The following CRACDL variants were observed in gnomAD, a reference collection of about 807,000 sequenced individuals.
The protein encoded by CRACDL is CRACD-like protein.
A neutral mutation model predicts 70.6 loss-of-function variants in CRACDL; 26 were observed. That is an observed-to-expected ratio of 0.37 (90% CI 0.27 to 0.51). The LOEUF is 0.51. Ranked by LOEUF, CRACDL falls within the 20% of genes least tolerant of loss-of-function variation. The pLI, the probability that CRACDL is intolerant of heterozygous loss-of-function variation, is 0.94. For synonymous variants in CRACDL, 618 were observed against 615.2 expected (o/e 1.00, Z -0.07); for missense variants, 1,283 against 1,376.9 (o/e 0.93, Z 1.08).
chr2:98,834,878 A>G (rs1360913302), intron 3 of CRACDL, among the ~76,000 whole-genome samples: 2 of 152,228 alleles, frequency 1.3e-5, no homozygotes, highest in Non-Finnish European at 2.9e-5. Flanking sequence ...CAACAACAAG[A>G]AAACCAAAGA....
chr2:98,853,708 A>C (rs1354733935), intron 1 of CRACDL, among the ~76,000 whole-genome samples: 1 of 152,224 alleles, frequency 6.6e-6, no homozygotes, highest in African/African-American at 2.4e-5. Flanking sequence ...CAATGTATGT[A>C]GATGTAATAT....
chr2:98,862,621 T>A (rs1706983627), intron 1 of CRACDL, among the ~76,000 whole-genome samples: 2 of 150,936 alleles, frequency 1.3e-5, no homozygotes, highest in East Asian at 1.9e-4. Flanking sequence ...ATCTGGGAGG[T>A]GAAAAGAACA....
At chr2:98,849,445 G>A (rs553765468) in intron 1 of CRACDL, among the ~76,000 whole-genome samples, 4 of 152,218 alleles carry the variant, frequency 2.6e-5, no homozygotes, top group African/African-American at 9.6e-5. Context: ...GTGTGCAGAG[G>A]GGCACCCCCT....
Position 98,919,136 on chromosome 2 carries a change from T to C in CRACDL, c.-11+16802A>G, listed in dbSNP as rs1351906340. ...GTGATAGATAGGGGTTCCAGTTTCA[T>C]TCTTCTCCATATGGCAATCCAATTT... is the stretch of plus-strand genomic sequence containing the variant. On this transcript the variant is annotated intron_variant, in intron 1 of 9. Coordinates refer to ENST00000397899, the MANE Select transcript of CRACDL (RefSeq NM_207362.3). 2.6e-5 allele frequency among the ~76,000 whole-genome samples: 4 copies of C among 152,172 alleles called. No homozygotes were observed. The East Asian group carries it at 5.8e-4, about 22-fold the overall frequency.
chr2:98,844,395 C>G (rs903797138), intron 2 of CRACDL, among the ~76,000 whole-genome samples: 1 of 152,068 alleles, frequency 6.6e-6, no homozygotes, highest in Non-Finnish European at 1.5e-5. Flanking sequence ...GATATTGATG[C>G]CTTCATGTGT....
At chr2:98,812,593 C>G (rs1040768281) in intron 7 of CRACDL, among the ~76,000 whole-genome samples, 3 of 152,088 alleles carry the variant, frequency 2.0e-5, no homozygotes, top group African/African-American at 7.2e-5. Flanking sequence ...TTGTGTTTCC[C>G]TAATGGCTAA....
At chr2:98,802,357 G>C (rs925680882) in intron 7 of CRACDL, among the ~76,000 whole-genome samples, 1 of 152,248 alleles carries the variant, frequency 6.6e-6, no homozygotes, top group Admixed American at 6.5e-5. Context: ...CACACTGCCC[G>C]AGATGAGAGC....
chr2:98,928,079 A>G (rs987909241), intron 1 of CRACDL, among the ~76,000 whole-genome samples: 4 of 152,044 alleles, frequency 2.6e-5, no homozygotes, highest in African/African-American at 9.7e-5. Flanking sequence ...CAGCTACTCG[A>G]GAGGCTGACA....
intron 1 of CRACDL, among the ~76,000 whole-genome samples, chr2:98,932,667 C>G (rs1396846534): frequency 2.0e-5 from 3 of 152,202 alleles, no homozygotes; most frequent in African/African-American, 7.2e-5. Context: ...CCAGCCCTGA[C>G]TGAAGTCTCC....
At chr2:98,854,274 T>C (rs187833421) in intron 1 of CRACDL, among the ~76,000 whole-genome samples, 6,208 of 120,438 alleles carry the variant, frequency 0.052, 268 homozygotes, top group South Asian at 0.17. Context: ...AGTGAGACTC[T>C]GTCTCAAAAA....
At chr2:98,848,708 C>G (rs1573064316) in intron 1 of CRACDL, among the ~76,000 whole-genome samples, 1 of 152,190 alleles carries the variant, frequency 6.6e-6, no homozygotes, top group African/African-American at 2.4e-5. Context: ...CTCAGCCCCC[C>G]CACAAATAGC....
intron 1 of CRACDL, among the ~76,000 whole-genome samples, chr2:98,923,997 C>T (rs1422755365): frequency 6.6e-6 from 1 of 152,184 alleles, no homozygotes; most frequent in Non-Finnish European, 1.5e-5. Context: ...GTACAAAAGA[C>T]CATGTGTCCA....
At chr2:98,832,797 A>G in intron 4 of CRACDL, 65 bp downstream of exon 4, 2 of 1,593,576 alleles carry the variant, frequency 1.3e-6, no homozygotes, top group Non-Finnish European at 1.7e-6. Flanking sequence ...AGCAGAAATC[A>G]TTTAAAAACT....
chr2:98,809,169 G>C (rs529541550), intron 7 of CRACDL, among the ~76,000 whole-genome samples: 1 of 152,194 alleles, frequency 6.6e-6, no homozygotes, highest in Admixed American at 6.5e-5. Context: ...GGGTGTCTGA[G>C]TTGGGGCGGA....
chr2:98,832,595 T>C (rs1705591117), intron 4 of CRACDL, 83 bp from the exon 5 acceptor site: 3 of 1,308,896 alleles, frequency 2.3e-6, no homozygotes, highest in Admixed American at 4.2e-5. Context: ...TCATTCATGC[T>C]GGAAATGCCT....
At chr2:98,808,608 C>T (rs1704421770) in intron 7 of CRACDL, among the ~76,000 whole-genome samples, 1 of 152,168 alleles carries the variant, frequency 6.6e-6, no homozygotes, top group African/African-American at 2.4e-5. Context: ...CCCCTGGTCC[C>T]CAGGACATCT....
intron 1 of CRACDL, among the ~76,000 whole-genome samples, chr2:98,891,776 C>T (rs372273725): frequency 2.0e-5 from 3 of 152,050 alleles, no homozygotes; most frequent in Non-Finnish European, 2.9e-5. Context: ...ATTGTGAAAG[C>T]TTTCAATAAA....
chr2:98,856,384 G>A (rs1706697298), intron 1 of CRACDL, among the ~76,000 whole-genome samples: 1 of 152,104 alleles, frequency 6.6e-6, no homozygotes, highest in Non-Finnish European at 1.5e-5. Context: ...CAAAAATGAA[G>A]ATGAACTAGA....
At chr2:98,891,639 T>C (rs1007748579) in intron 1 of CRACDL, among the ~76,000 whole-genome samples, 1 of 152,092 alleles carries the variant, frequency 6.6e-6, no homozygotes, top group Admixed American at 6.5e-5. Flanking sequence ...TCCTGGATAT[T>C]TTTTTTCTTT....
Sources: gnomAD v4.1 joint callset for allele counts (sites outside exome capture counted in the v4.1 genomes callset) on GRCh38, gnomAD v4.1.1 for gene constraint, MANE v1.5 for transcripts, NCBI Gene and HGNC (gene_info 2026-07-23, HGNC 2026-07-21) for gene names.